The following WDFY3 variants were observed in gnomAD, a reference collection of about 807,000 sequenced individuals.
WDFY3 encodes the protein WD repeat and FYVE domain containing 3.
A neutral mutation model predicts 409.6 loss-of-function variants in WDFY3; 66 were observed. The observed-to-expected ratio is 0.16, with a 90% CI of 0.13 to 0.20. WDFY3 has a LOEUF of 0.20. WDFY3 is among the 10% of genes least tolerant of loss of function. The pLI is 1.00. For missense variants in WDFY3, 3,031 were observed against 4,298.1 expected, an observed-to-expected ratio of 0.71 and a Z score of 8.24; for synonymous variants, 1,521 against 1,537.1, an observed-to-expected ratio of 0.99 and a Z score of 0.25.
At chr4:84,779,119 T>C (rs906527165) in intron 26 of WDFY3, among the ~76,000 whole-genome samples, 1 of 152,198 alleles carries the variant, frequency 6.6e-6, no homozygotes, top group Non-Finnish European at 1.5e-5. Context: ...GTCTATGGAA[T>C]GCTTAGAGTA....
chr4:84,685,913 T>C (rs139215646), intron 62 of WDFY3, among the ~76,000 whole-genome samples: 68 of 152,262 alleles, frequency 4.5e-4, no homozygotes, highest in African/African-American at 1.0e-3. Flanking sequence ...CTCCAAATAA[T>C]TGATTAAGCA....
chr4:84,961,363 G>T (rs375711330), intron 1 of WDFY3, among the ~76,000 whole-genome samples: 63 of 151,952 alleles, frequency 4.1e-4, no homozygotes, highest in African/African-American at 1.5e-3. Context: ...GGCATACAGG[G>T]AGCCACAAAG....
At position 84,672,779 on chromosome 4, in the gene WDFY3, C is replaced by T. The variant is rs1725616708; in HGVS notation, c.*89G>A. 15 of 1,548,538 alleles carry T rather than the reference C, an allele frequency of 9.7e-6. No homozygotes were observed. Among genetic ancestry groups the T allele is most frequent in the Middle Eastern group, 1.7e-4 (1 of 5,734 alleles). On this transcript the variant is annotated 3_prime_UTR_variant, in exon 68 of 68. Coordinates refer to ENST00000295888, the MANE Select transcript of WDFY3 (RefSeq NM_014991.6). ...CACGTGGTATGAAGAGATGTGTAAA[C>T]GGAGACTGTTTTCAATGCCTTCCAA... is the stretch of plus-strand genomic sequence containing the variant.
chr4:84,748,695 G>A (rs1475668620), intron 36 of WDFY3, among the ~76,000 whole-genome samples: 1 of 152,066 alleles, frequency 6.6e-6, no homozygotes, highest in Non-Finnish European at 1.5e-5. Context: ...TTATGCTAAT[G>A]AATTTTACTG....
intron 2 of WDFY3, among the ~76,000 whole-genome samples, chr4:84,909,273 A>G (rs1311717435): frequency 6.6e-6 from 1 of 152,122 alleles, no homozygotes; most frequent in Non-Finnish European, 1.5e-5. Flanking sequence ...TAAAAGGTTA[A>G]AATTATGCTT....
At chr4:84,799,185 C>G (rs1750040558) in intron 17 of WDFY3, among the ~76,000 whole-genome samples, 1 of 152,044 alleles carries the variant, frequency 6.6e-6, no homozygotes, top group South Asian at 2.1e-4. Flanking sequence ...GAGACAGCCT[C>G]TTGCTCTGTC....
chr4:84,801,174 A>G (rs1350223790), intron 17 of WDFY3, among the ~76,000 whole-genome samples: 4 of 152,210 alleles, frequency 2.6e-5, no homozygotes, highest in African/African-American at 9.7e-5. Context: ...GTGCACATGA[A>G]TACATCATAC....
chr4:84,942,995 T>C (rs1356141467), intron 1 of WDFY3, among the ~76,000 whole-genome samples: 5 of 152,226 alleles, frequency 3.3e-5, no homozygotes, highest in Admixed American at 6.5e-5. Context: ...TGAACTGTGT[T>C]GTCCAATTAT....
At chr4:84,804,287 T>C (rs1751147769) in intron 15 of WDFY3, 1 of 152,212 alleles carries the variant, frequency 6.6e-6, no homozygotes, top group African/African-American at 2.4e-5. Flanking sequence ...GAACTCTTTG[T>C]TCCAATGAGT....
intron 1 of WDFY3, among the ~76,000 whole-genome samples, chr4:84,937,764 T>A (rs545187272): frequency 6.6e-6 from 1 of 152,242 alleles, no homozygotes; most frequent in South Asian, 2.1e-4. Context: ...CCTGACTTCA[T>A]TTCCTACCAA....
Position 84,868,171 on chromosome 4 carries a change from C to CAAAA in WDFY3, c.-31-7553_-31-7550dup, listed in dbSNP as rs70943375. ...TGGGTGACAGAGCGAGACTCTGTCT[C>CAAAA]AAAAAAAAAAAAAAAAAAAAAAAAA... On this transcript the variant is annotated intron_variant, in intron 3 of 67. Transcript: ENST00000295888. 3.1e-4 allele frequency among the ~76,000 whole-genome samples: 12 copies of CAAAA among 38,456 alleles called. 2 individuals carry two copies. Among genetic ancestry groups the CAAAA allele is most frequent in the African/African-American group, 9.1e-4 (9 of 9,940 alleles). 25.2% of individuals were successfully genotyped at this position (38,456 alleles called of 152,430 possible). A position where few individuals can be genotyped will look rare whatever the true frequency, so the allele number is the denominator to read the frequency against.
At chr4:84,813,162 T>C (rs1009872730) in intron 13 of WDFY3, among the ~76,000 whole-genome samples, 1 of 152,102 alleles carries the variant, frequency 6.6e-6, no homozygotes, top group African/African-American at 2.4e-5. Flanking sequence ...CTGTGGTATA[T>C]GTCAGTTGAA....
chr4:84,847,788 A>C (rs1578797792), intron 5 of WDFY3, among the ~76,000 whole-genome samples: 3 of 136,772 alleles, frequency 2.2e-5, no homozygotes, highest in South Asian at 2.2e-4. Context: ...AAAAAAAAAA[A>C]CCAAAAAAAA....
At chr4:84,909,971 A>C (rs913585059) in intron 2 of WDFY3, among the ~76,000 whole-genome samples, 1 of 152,194 alleles carries the variant, frequency 6.6e-6, no homozygotes, top group Non-Finnish European at 1.5e-5. Context: ...CAACGAAATG[A>C]AACTATTAAA....
chr4:84,796,127 C>G (rs1360226943), intron 19 of WDFY3, among the ~76,000 whole-genome samples: 1 of 151,510 alleles, frequency 6.6e-6, no homozygotes, highest in African/African-American at 2.4e-5. Context: ...ATATTTAATG[C>G]TTTGTGAACC....
At chr4:84,960,041 T>C (rs1774721561) in intron 1 of WDFY3, among the ~76,000 whole-genome samples, 1 of 152,174 alleles carries the variant, frequency 6.6e-6, no homozygotes, top group South Asian at 2.1e-4. Context: ...AATACCTCAA[T>C]AGTATAGTAA....
chr4:84,956,001 A>G (rs1297961221), intron 1 of WDFY3, among the ~76,000 whole-genome samples: 1 of 152,226 alleles, frequency 6.6e-6, no homozygotes. Flanking sequence ...AAAATAGCAC[A>G]TAACAAAATA....
chr4:84,707,818 C>A (rs1432826465), intron 53 of WDFY3, among the ~76,000 whole-genome samples: 1 of 152,134 alleles, frequency 6.6e-6, no homozygotes, highest in East Asian at 1.9e-4. Flanking sequence ...ATTAACTATA[C>A]AAGCAAATAT....
intron 18 of WDFY3, among the ~76,000 whole-genome samples, chr4:84,797,506 A>G (rs1749664676): frequency 6.6e-6 from 1 of 152,070 alleles, no homozygotes; most frequent in African/African-American, 2.4e-5. Flanking sequence ...TCTCTTAGGG[A>G]AAGGAACTAT....
Sources: allele counts gnomAD v4.1 joint callset (sites outside exome capture counted in the v4.1 genomes callset), GRCh38; gene constraint gnomAD v4.1.1; transcripts MANE v1.5; gene names NCBI Gene and HGNC (gene_info 2026-07-23, HGNC 2026-07-21).